The following GPC6 variants were observed in gnomAD, a reference collection of about 807,000 sequenced individuals.
GPC6 encodes the protein glypican 6, also known as glypican-6.
In GPC6, 14 loss-of-function variants were observed where a neutral mutation model predicts 55.2. That is an observed-to-expected ratio of 0.25 (90% CI 0.17 to 0.40). The LOEUF (loss-of-function observed/expected upper bound fraction) is 0.40, where lower values mean the gene tolerates loss of function less well. GPC6 is among the 10% of genes least tolerant of loss of function. The pLI is 1.00. For missense variants in GPC6, 641 were observed against 708.5 expected (o/e 0.90, Z 1.08); for synonymous variants, 278 against 259.6 (o/e 1.07, Z -0.68).
In GPC6 at chr13:93,500,352, T is replaced by A. The variant is rs529181024; in HGVS notation, c.161-44911T>A. On this transcript the variant is annotated intron_variant, in intron 1 of 8. Coordinates refer to ENST00000377047, the MANE Select transcript of GPC6 (RefSeq NM_005708.5). ...TGTAGAGACCTGGATGATGTCAAGG[T>A]TGTGGCTAGTGAATAAATTTAGAGC... is the stretch of plus-strand genomic sequence containing the variant. Among the ~76,000 whole-genome samples the A allele has an allele frequency of 2.0e-5, 3 of 152,034 alleles. No homozygotes were observed. In the South Asian group the frequency reaches 6.2e-4, roughly 32 times the overall value.
At chr13:94,175,097 T>C (rs1404757780) in intron 4 of GPC6, among the ~76,000 whole-genome samples, 1 of 152,124 alleles carries the variant, frequency 6.6e-6, no homozygotes, top group Non-Finnish European at 1.5e-5. Flanking sequence ...AATTATACAG[T>C]ATGTACATTT....
intron 1 of GPC6, among the ~76,000 whole-genome samples, chr13:93,456,086 GC>G (rs1371648648): frequency 6.6e-6 from 1 of 152,162 alleles, no homozygotes; most frequent in Admixed American, 6.5e-5. Flanking sequence ...GCAACCTTGT[GC>G]GAGGGCTGGA....
intron 1 of GPC6, among the ~76,000 whole-genome samples, chr13:93,505,424 C>T (rs1236638867): frequency 7.3e-6 from 1 of 137,598 alleles, no homozygotes; most frequent in Non-Finnish European, 1.6e-5. Context: ...CTCTCTCTCA[C>T]ACACGTGCAC....
chr13:93,577,886 T>A (rs1049762693), intron 2 of GPC6, among the ~76,000 whole-genome samples: 5 of 152,140 alleles, frequency 3.3e-5, no homozygotes, highest in Admixed American at 2.6e-4. Context: ...ATGTTCCTTC[T>A]ATACCAAATT....
intron 1 of GPC6, among the ~76,000 whole-genome samples, chr13:93,482,889 C>G (rs1879570850): frequency 6.6e-6 from 1 of 152,086 alleles, no homozygotes; most frequent in Non-Finnish European, 1.5e-5. Context: ...TTTAAGATGT[C>G]TTTGTTACGT....
chr13:93,690,302 T>G (rs1887659), intron 2 of GPC6, among the ~76,000 whole-genome samples: 123,670 of 151,852 alleles, frequency 0.81, 51,367 homozygotes, highest in Non-Finnish European at 0.91. Context: ...TGGGTGGTAG[T>G]GCAAGTCAGG....
chr13:93,535,582 C>T (rs1300670178), intron 1 of GPC6, among the ~76,000 whole-genome samples: 1 of 149,962 alleles, frequency 6.7e-6, no homozygotes, highest in Non-Finnish European at 1.5e-5. Flanking sequence ...CTCACATGGT[C>T]AAAAGAGTCT....
At chr13:93,218,084 T>C in the GPC6 span, among the ~76,000 whole-genome samples, 2 of 148,950 alleles carry the variant, frequency 1.3e-5, no homozygotes, top group African/African-American at 4.9e-5. Context: ...AGATCATTAG[T>C]ACATGGAACT....
intron 2 of GPC6, among the ~76,000 whole-genome samples, chr13:93,607,441 A>G (rs1878281702): frequency 6.6e-6 from 1 of 152,148 alleles, no homozygotes; most frequent in Non-Finnish European, 1.5e-5. Flanking sequence ...CTTACATTCC[A>G]TGGATTGTAG....
chr13:93,690,210 T>A (rs1405858612), intron 2 of GPC6, among the ~76,000 whole-genome samples: 1 of 152,010 alleles, frequency 6.6e-6, no homozygotes, highest in Admixed American at 6.6e-5. Flanking sequence ...TGAAGTCAAT[T>A]TTTGATGTGG....
intron 1 of GPC6, among the ~76,000 whole-genome samples, chr13:93,252,092 C>T (rs1181562880): frequency 1.3e-5 from 2 of 152,144 alleles, no homozygotes; most frequent in African/African-American, 2.4e-5. Context: ...AAGTCTTATT[C>T]AAACCTAAAC....
At chr13:94,351,152 A>G (rs1338455363) in intron 6 of GPC6, among the ~76,000 whole-genome samples, 2 of 151,390 alleles carry the variant, frequency 1.3e-5, no homozygotes, top group Non-Finnish European at 2.9e-5. Flanking sequence ...CCTAAATAAA[A>G]AGGTTAGCAG....
chr13:93,419,814 CTG>C (rs1465417684), intron 1 of GPC6, among the ~76,000 whole-genome samples: 1 of 152,050 alleles, frequency 6.6e-6, no homozygotes, highest in African/African-American at 2.4e-5. Flanking sequence ...GGAGATGACA[CTG>C]TTTCTACATT....
At chr13:93,896,774 A>G (rs1349415820) in intron 3 of GPC6, among the ~76,000 whole-genome samples, 1 of 152,038 alleles carries the variant, frequency 6.6e-6, no homozygotes, top group Admixed American at 6.6e-5. Context: ...TCATGTGACT[A>G]TCACCTGGCT....
chr13:93,567,661 C>G (rs1423167731), intron 2 of GPC6, among the ~76,000 whole-genome samples: 1 of 152,000 alleles, frequency 6.6e-6, no homozygotes, highest in Non-Finnish European at 1.5e-5. Flanking sequence ...ATATTCAAAA[C>G]ATTTTGAATA....
At chr13:94,305,368 G>A (rs2139110667) in intron 5 of GPC6, among the ~76,000 whole-genome samples, 1 of 152,238 alleles carries the variant, frequency 6.6e-6, no homozygotes, top group South Asian at 2.1e-4. Flanking sequence ...TGAACTCATA[G>A]CACTATAACT....
At chr13:94,225,031 A>G (rs1454374357) in intron 4 of GPC6, among the ~76,000 whole-genome samples, 3 of 152,100 alleles carry the variant, frequency 2.0e-5, no homozygotes, top group Non-Finnish European at 2.9e-5. Context: ...GCTCATCTGG[A>G]CACAATGGTT....
chr13:93,593,040 G>A (rs943340075), intron 2 of GPC6, among the ~76,000 whole-genome samples: 3 of 151,948 alleles, frequency 2.0e-5, no homozygotes, highest in Admixed American at 6.6e-5. Context: ...CTTGGAGTTG[G>A]TTCTTAGTTT....
At chr13:93,861,517 C>A (rs750057367) in intron 3 of GPC6, among the ~76,000 whole-genome samples, 1 of 151,472 alleles carries the variant, frequency 6.6e-6, no homozygotes, top group Non-Finnish European at 1.5e-5. Flanking sequence ...ATAGGACGGG[C>A]AAATAACAGG....
Sources: gnomAD v4.1 joint callset for allele counts (sites outside exome capture counted in the v4.1 genomes callset) on GRCh38, gnomAD v4.1.1 for gene constraint, MANE v1.5 for transcripts, NCBI Gene and HGNC (gene_info 2026-07-23, HGNC 2026-07-21) for gene names.